Variants in ZNF334 observed in about 807,000 individuals in gnomAD.
ZNF334 encodes the protein zinc finger protein 334.
Under a neutral mutation model 12.4 loss-of-function variants are expected in ZNF334, and 14 were observed. The ratio of observed to expected loss-of-function variants is 1.13; its 90% CI spans 0.74 to 1.76. The LOEUF is 1.76. ZNF334 is among the 40% of genes most tolerant of loss of function. ZNF334 has a pLI of 0.00. For synonymous variants in ZNF334, 273 were observed against 269.6 expected (o/e 1.01, Z -0.12); for missense variants, 797 against 804.5 (o/e 0.99, Z 0.11).
chr20:46,488,419 TTATATATA>T, the ZNF334 span, among the ~76,000 whole-genome samples: 7,316 of 102,260 alleles, frequency 0.072, 539 homozygotes, highest in South Asian at 0.13. Context: ...AGCTCTTATT[TTATATATA>T]TATATATATA....
the ZNF334 span, among the ~76,000 whole-genome samples, chr20:46,480,131 C>G: frequency 6.6e-6 from 1 of 152,162 alleles, no homozygotes. Flanking sequence ...CTTCCTGGAG[C>G]CATGGTCACT....
intron 2 of ZNF334, among the ~76,000 whole-genome samples, chr20:46,510,884 T>A (rs993553185): frequency 1.3e-5 from 2 of 151,954 alleles, no homozygotes; most frequent in African/African-American, 4.8e-5. Flanking sequence ...ATTTCCATGT[T>A]GGATATGAGG....
chr20:46,479,374 C>G, the ZNF334 span, among the ~76,000 whole-genome samples: 1 of 152,112 alleles, frequency 6.6e-6, no homozygotes, highest in Non-Finnish European at 1.5e-5. Context: ...TGAACAGAGC[C>G]AAGAGAAACC....
the ZNF334 span, chr20:46,491,993 G>C: frequency 1.3e-5 from 2 of 152,792 alleles, no homozygotes; most frequent in Non-Finnish European, 1.5e-5. Context: ...GAAACACTTT[G>C]TATGTAATCA....
chr20:46,504,919 A>G lies in ZNF334; in HGVS notation c.22-179T>C, dbSNP rs1601038784. On this transcript the variant is annotated intron_variant, in intron 2 of 4. Transcript: ENST00000692313. The stretch of plus-strand genomic sequence containing the variant: ...TCATTTTTTAAAATGAATTTTAAAA[A>G]TGTGCTGAGCTTATACCATGTCCTG... The G allele has an allele frequency of 1.1e-5, 6 of 532,748 alleles. No individual in the cohort carries two copies. In the East Asian group the frequency reaches 1.9e-4, roughly 17 times the overall value. The allele number at this position is 532,748 out of a possible 1,614,324, so 33.0% of individuals were successfully genotyped here. A position where few individuals can be genotyped will look rare whatever the true frequency, so the allele number is the denominator to read the frequency against.
In ZNF334 at chr20:46,501,568, G is replaced by A. The variant is rs752560408; in HGVS notation, c.1771C>T (p.Gln591Ter). ...GGTTTCTCCCCAGTGTGAGTTCGCT[G>A]ATGTTCAACAAAGGAGAACTTCTGA... ...FCQKFSFVEH[Q>*]RTHTGEKPYE... is the part of the protein sequence containing the mutation. Residue 591 changes from glutamine (Q) to a stop codon, truncating the protein, a stop_gained, in exon 5 of 5, where the codon CAG (glutamine) becomes TAG (stop). Transcript: ENST00000692313. LOFTEE classifies it low-confidence loss of function (END_TRUNC). 1 of 1,614,088 alleles carries A rather than the reference G, an allele frequency of 6.2e-7. No homozygotes were observed. Among genetic ancestry groups the A allele is most frequent in the Non-Finnish European group, 8.5e-7 (1 of 1,179,990 alleles).
chr20:46,464,943 T>C, the ZNF334 span: 70,949 of 491,044 alleles, frequency 0.14, 5,838 homozygotes, highest in African/African-American at 0.25. Flanking sequence ...TCTGTAGCAG[T>C]TGCTTGTTCG....
At chr20:46,482,319 G>A in the ZNF334 span, among the ~76,000 whole-genome samples, 1 of 152,138 alleles carries the variant, frequency 6.6e-6, no homozygotes, top group South Asian at 2.1e-4. Context: ...AGTAAATGAT[G>A]GAGATCACGT....
chr20:46,502,516 G>A lies in ZNF334; in HGVS notation c.823C>T (p.Arg275Cys), dbSNP rs41283032. ...YVCSDCRKTFRVKTSLTRHRR... is the reference protein window; with the variant it reads ...YVCSDCRKTFCVKTSLTRHRR... The stretch of plus-strand genomic sequence containing the variant: ...TGTCGAGTGAGGCTTGTCTTCACAC[G>A]AAAAGTTTTCCTACAATCACTACAA... Residue 275 changes from arginine (R) to cysteine (C), a missense_variant, in exon 5 of 5, where the codon CGT becomes TGT. Physicochemically the swap from Arg to Cys is radical, Grantham distance 180 (BLOSUM62 -3). Transcript: ENST00000692313. 28,484 of 1,613,104 alleles carry A rather than the reference G, an allele frequency of 0.018. 382 individuals carry two copies. The highest frequency in any genetic ancestry group is 0.019 in the Non-Finnish European group (22,787 of 1,179,478).
At position 46,504,269 on chromosome 20, in the gene ZNF334, C is replaced by T. The variant is rs1331095625; in HGVS notation, c.186G>A (p.Leu62=). The change falls in exon 4 of 5, where the codon TTG becomes TTA. Residue 62 remains leucine (L), a synonymous_variant. Coordinates refer to ENST00000692313, the MANE Select transcript of ZNF334 (RefSeq NM_001353824.2). Reference sequence around the variant, plus strand: ...CTATCCATGGCTCTTCTCCTTGCTCCAATTTGAAAATCACATCTGGTTTGC... The same window carrying T: ...CTATCCATGGCTCTTCTCCTTGCTCTAATTTGAAAATCACATCTGGTTTGC... The part of the protein sequence containing the change: ...HVSKPDVIFK[L]EQGEEPWIVE... The T allele has an allele frequency of 6.8e-6, 11 of 1,613,772 alleles. No homozygotes were observed. Among genetic ancestry groups the T allele is most frequent in the Non-Finnish European group, 9.3e-6 (11 of 1,179,844 alleles).
chr20:46,509,067 G>A (rs1305963076), intron 2 of ZNF334, among the ~76,000 whole-genome samples: 6 of 152,130 alleles, frequency 3.9e-5, no homozygotes, highest in Admixed American at 1.3e-4. Context: ...TAATTATCAC[G>A]TTCATAGAAA....
At chr20:46,497,438 C>A (rs1222430731), downstream of ZNF334, among the ~76,000 whole-genome samples, 1 of 152,196 alleles carries the variant, frequency 6.6e-6, no homozygotes, top group African/African-American at 2.4e-5. Context: ...AATTCAGAGA[C>A]TGATATGTCC....
chr20:46,489,109 C>T, the ZNF334 span, among the ~76,000 whole-genome samples: 754 of 151,984 alleles, frequency 5.0e-3, 3 homozygotes, highest in African/African-American at 0.017. Context: ...ATATTTTTCT[C>T]GTCCCTGCCC....
At chr20:46,488,419 T>TTATTTATATATATATATATA in the ZNF334 span, among the ~76,000 whole-genome samples, 50 of 102,224 alleles carry the variant, frequency 4.9e-4, 3 homozygotes, top group African/African-American at 1.0e-3. Flanking sequence ...AGCTCTTATT[T>TTATTTATATATATATATATA]TATATATATA....
chr20:46,464,228 T>C, the ZNF334 span: 7 of 536,350 alleles, frequency 1.3e-5, no homozygotes, highest in Non-Finnish European at 2.6e-5. Context: ...CACGCCTGGC[T>C]GCTCATTGCC....
Position 46,502,305 on chromosome 20 carries a change from C to T in ZNF334, c.1034G>A (p.Gly345Glu), listed in dbSNP as rs1568857380. The change falls in exon 5 of 5, where the codon GGG (glycine) becomes GAG (glutamate). Residue 345 changes from glycine to glutamate, a missense_variant. Coordinates refer to ENST00000692313, the MANE Select transcript of ZNF334 (RefSeq NM_001353824.2). ...ALAEHFRSHT[G>E]EKPYECKECG... ...TTCCTTGCATTCGTAAGGCTTCTCC[C>T]CTGTGTGTGACCTGAAATGTTCAGC... 9 of 1,614,036 alleles carry T rather than the reference C, an allele frequency of 5.6e-6. No homozygotes were observed. Among genetic ancestry groups the T allele is most frequent in the Non-Finnish European group, 6.8e-6 (8 of 1,180,044 alleles).
rs2061237854 is a variant in ZNF334 at position 46,502,413 on chromosome 20, A to G, written c.926T>C (p.Ile309Thr). 4 of 1,614,100 alleles carry G rather than the reference A, an allele frequency of 2.5e-6. No homozygotes were observed. Among genetic ancestry groups the G allele is most frequent in the Admixed American group, 1.7e-5 (1 of 60,020 alleles). Residue 309 changes from isoleucine to threonine, a missense_variant, in exon 5 of 5, where the codon ATT becomes ACT. Transcript: ENST00000692313. The stretch of plus-strand genomic sequence containing the variant: ...CCCTCCATGAATTTTCTGGTGTACA[A>G]TAAGGGCAGATTTGTCAATGAAGGT... ...RKTFIDKSAL[I>T]VHQKIHGGEK...
At chr20:46,508,022 T>C (rs2061498217) in intron 2 of ZNF334, among the ~76,000 whole-genome samples, 1 of 152,216 alleles carries the variant, frequency 6.6e-6, no homozygotes, top group Non-Finnish European at 1.5e-5. Context: ...AGTTCTGTAC[T>C]TGCTCAGGCA....
At chr20:46,464,517 A>G in the ZNF334 span, 1 of 472,126 alleles carries the variant, frequency 2.1e-6, no homozygotes, top group South Asian at 1.7e-5. Context: ...ACAGCAAATG[A>G]GAGCTCCGTT....
Sources: allele counts gnomAD v4.1 joint callset (sites outside exome capture counted in the v4.1 genomes callset), GRCh38; gene constraint gnomAD v4.1.1; transcripts MANE v1.5; gene names NCBI Gene and HGNC (gene_info 2026-07-23, HGNC 2026-07-21).